Variants in MGMT observed in about 807,000 individuals in gnomAD.
MGMT encodes O-6-methylguanine-DNA methyltransferase, also known as methylated-DNA--protein-cysteine methyltransferase.
MGMT carries 14 observed loss-of-function variants against 15.9 expected under a neutral mutation model. The observed-to-expected ratio is 0.88, with a 90% CI of 0.58 to 1.37. The LOEUF (loss-of-function observed/expected upper bound fraction) is 1.37. MGMT is among the 40% of genes most tolerant of loss of function. MGMT has a pLI of 0.00. For missense variants in MGMT, 282 were observed against 268.1 expected (o/e 1.05, Z -0.36); for synonymous variants, 130 against 118.2 (o/e 1.10, Z -0.65).
intron 2 of MGMT, among the ~76,000 whole-genome samples, chr10:129,623,887 C>G (rs747122081): frequency 1.3e-5 from 2 of 152,214 alleles, no homozygotes; most frequent in Non-Finnish European, 2.9e-5. Flanking sequence ...GACCCCACAC[C>G]CTCTTCCTCA....
At chr10:129,715,589 C>G (rs1339510854) in intron 3 of MGMT, 1 of 152,204 alleles carries the variant, frequency 6.6e-6, no homozygotes, top group African/African-American at 2.4e-5. Context: ...CATAAATGCA[C>G]ATTCATGTTT....
intron 4 of MGMT, among the ~76,000 whole-genome samples, chr10:129,762,497 G>C (rs908737317): frequency 3.3e-5 from 5 of 152,132 alleles, no homozygotes; most frequent in Admixed American, 2.6e-4. Flanking sequence ...GCCGGTGTAA[G>C]GTGGTTGGTC....
chr10:129,551,199 C>T (rs971789577), intron 2 of MGMT, among the ~76,000 whole-genome samples: 2 of 152,224 alleles, frequency 1.3e-5, no homozygotes, highest in East Asian at 3.8e-4. Context: ...GACCCAAGTA[C>T]ATGCAAAGTG....
intron 3 of MGMT, among the ~76,000 whole-genome samples, chr10:129,723,850 C>T (rs551047205): frequency 2.0e-5 from 3 of 152,248 alleles, no homozygotes; most frequent in Admixed American, 2.0e-4. Flanking sequence ...TGCATATATC[C>T]CAGGGCAGCT....
At chr10:129,700,982 C>T (rs890579278) in intron 2 of MGMT, 13 of 152,236 alleles carry the variant, frequency 8.5e-5, no homozygotes, top group African/African-American at 3.1e-4. Flanking sequence ...CCCTTCAGTC[C>T]CGAAGCCTCT....
Position 129,497,456 on chromosome 10 carries a change from G to A in MGMT, c.-13+30160G>A, listed in dbSNP as rs117159226. ...ACCCTGCATGTACATAGATGACAAC[G>A]GAATGGCTTTTTGGGGGGACTTTTT... is the stretch of plus-strand genomic sequence containing the variant. On this transcript the variant is annotated intron_variant, in intron 1 of 4. Coordinates refer to ENST00000651593, the MANE Select transcript of MGMT (RefSeq NM_002412.5). Among the ~76,000 whole-genome samples the A allele has an allele frequency of 1.1e-4, 16 of 152,300 alleles. No individual in the cohort carries two copies. The East Asian group carries it at 2.5e-3, about 24-fold the overall frequency.
chr10:129,757,807 T>A (rs1018844141), intron 3 of MGMT, among the ~76,000 whole-genome samples: 1 of 152,244 alleles, frequency 6.6e-6, no homozygotes, highest in Admixed American at 6.5e-5. Flanking sequence ...AACCCAAAGC[T>A]GTTAATGTGG....
intron 2 of MGMT, among the ~76,000 whole-genome samples, chr10:129,612,535 G>A (rs778161088): frequency 1.1e-4 from 17 of 152,218 alleles, no homozygotes; most frequent in South Asian, 2.1e-4. Flanking sequence ...GTTGTTGCAC[G>A]TGAGGACATG....
intron 1 of MGMT, among the ~76,000 whole-genome samples, chr10:129,500,361 G>A (rs1047333928): frequency 6.6e-6 from 1 of 152,150 alleles, no homozygotes; most frequent in East Asian, 1.9e-4. Flanking sequence ...AGGAGGGTGC[G>A]GTGGTGAAGA....
At chr10:129,578,397 G>C (rs1003004790) in intron 2 of MGMT, among the ~76,000 whole-genome samples, 1 of 152,124 alleles carries the variant, frequency 6.6e-6, no homozygotes, top group Non-Finnish European at 1.5e-5. Context: ...CATGGATGAA[G>C]CTGGAAACCA....
At position 129,582,581 on chromosome 10, in the gene MGMT, GT is replaced by G. The variant is rs896378320; in HGVS notation, c.125+46215del. On this transcript the variant is annotated intron_variant, in intron 2 of 4. Transcript: ENST00000651593. ...TTCTAAAGTATAAAGTCTGGTTGTT[GT>G]TTTTTTTTTTGATGGAGCTGTGAGG... Among the ~76,000 whole-genome samples, 433 of 144,914 alleles carry G rather than the reference GT, an allele frequency of 3.0e-3. 2 individuals are homozygous for G. The highest frequency in any genetic ancestry group is 8.8e-3 in the African/African-American group (351 of 39,888).
intron 4 of MGMT, among the ~76,000 whole-genome samples, chr10:129,765,187 A>G (rs1181852030): frequency 2.0e-5 from 3 of 151,470 alleles, no homozygotes; most frequent in South Asian, 2.1e-4. Context: ...GCCCACCCAT[A>G]CACCTGCTCC....
At chr10:129,728,961 C>T (rs571508455) in intron 3 of MGMT, among the ~76,000 whole-genome samples, 14 of 152,264 alleles carry the variant, frequency 9.2e-5, no homozygotes, top group African/African-American at 1.9e-4. Context: ...CCCCATGTCA[C>T]GTGAGCCTGA....
At chr10:129,523,385 C>T (rs4750752) in intron 1 of MGMT, among the ~76,000 whole-genome samples, 151,876 of 152,372 alleles carry the variant, frequency 1, 75,693 homozygotes, top group Middle Eastern at 1. Flanking sequence ...ACATGGTGTT[C>T]TCTCATTGTC....
chr10:129,704,893 TC>T (rs1281993739), intron 2 of MGMT, among the ~76,000 whole-genome samples: 2 of 152,092 alleles, frequency 1.3e-5, no homozygotes, highest in Admixed American at 6.5e-5. Flanking sequence ...CCCGAGGTCT[TC>T]CGTCGCCGCC....
At chr10:129,598,446 TGG>T (rs57698886) in intron 2 of MGMT, among the ~76,000 whole-genome samples, 145,795 of 152,050 alleles carry the variant, frequency 0.96, 70,201 homozygotes, top group East Asian at 1. Flanking sequence ...TGGCACATCC[TGG>T]GGGTGCTGCC....
At chr10:129,749,210 A>T (rs763817556) in intron 3 of MGMT, among the ~76,000 whole-genome samples, 1 of 152,168 alleles carries the variant, frequency 6.6e-6, no homozygotes, top group East Asian at 1.9e-4. Context: ...TAGATGTATG[A>T]TATCATGTTT....
intron 3 of MGMT, among the ~76,000 whole-genome samples, chr10:129,745,471 A>G (rs530129264): frequency 3.3e-5 from 5 of 152,204 alleles, no homozygotes; most frequent in Non-Finnish European, 7.4e-5. Flanking sequence ...TGTTTTTGAG[A>G]ATGTCTTATA....
rs527389016 is a variant in MGMT at position 129,662,768 on chromosome 10, G to C, written c.126-45127G>C. On this transcript the variant is annotated intron_variant, in intron 2 of 4. Coordinates refer to ENST00000651593, the MANE Select transcript of MGMT (RefSeq NM_002412.5). ...GGCAAATGAAACCATAGGGAAGCAG[G>C]GGTTGCCATCTTGGGATTAGACCAA... is the stretch of plus-strand genomic sequence containing the variant. Among the ~76,000 whole-genome samples, 6 of 152,146 alleles carry C rather than the reference G, an allele frequency of 3.9e-5. 1 individual carries two copies. The highest frequency in any genetic ancestry group is 1.4e-4 in the African/African-American group (6 of 41,484).
Sources: gnomAD v4.1 joint callset for allele counts (sites outside exome capture counted in the v4.1 genomes callset) on GRCh38, gnomAD v4.1.1 for gene constraint, MANE v1.5 for transcripts, NCBI Gene and HGNC (gene_info 2026-07-23, HGNC 2026-07-21) for gene names.